MCU: variants seen among roughly 807,000 people sequenced by gnomAD.
MCU encodes calcium uniporter protein, mitochondrial.
MCU carries 12 observed loss-of-function variants against 45.2 expected under a neutral mutation model. That is an observed-to-expected ratio of 0.27 (90% CI 0.17 to 0.43). The LOEUF is 0.43. Among genes scored for constraint, MCU ranks in the 20% least tolerant of loss-of-function variants. The probability of loss-of-function intolerance (pLI) is 1.00; values close to 1 mark genes in which losing one functional copy is unlikely to be tolerated. For synonymous variants in MCU, 160 were observed against 165.1 expected (o/e 0.97, Z 0.24); for missense variants, 324 against 436.7 (o/e 0.74, Z 2.30).
At chr10:72,861,188 G>C (rs1845370083) in intron 4 of MCU, among the ~76,000 whole-genome samples, 1 of 151,854 alleles carries the variant, frequency 6.6e-6, no homozygotes, top group African/African-American at 2.4e-5. Flanking sequence ...ACCATGCCTG[G>C]ATAATTTTTT....
At chr10:72,706,233 T>C (rs919107445) in intron 1 of MCU, among the ~76,000 whole-genome samples, 17 of 152,110 alleles carry the variant, frequency 1.1e-4, no homozygotes, top group African/African-American at 3.4e-4. Flanking sequence ...TTTTTTTTTT[T>C]TTAAGTAGCC....
At chr10:72,775,207 A>C (rs892377297) in intron 1 of MCU, among the ~76,000 whole-genome samples, 10 of 152,164 alleles carry the variant, frequency 6.6e-5, no homozygotes, top group Non-Finnish European at 1.3e-4. Flanking sequence ...TTTTCTGACC[A>C]CACGGAATAA....
intron 1 of MCU, chr10:72,731,133 C>T (rs1843167720): frequency 6.6e-6 from 1 of 152,030 alleles, no homozygotes; most frequent in Non-Finnish European, 1.5e-5. Context: ...GGGATGTGGT[C>T]TCACTATATT....
At chr10:72,884,842 T>C (rs1746278080) in intron 7 of MCU, among the ~76,000 whole-genome samples, 2 of 152,192 alleles carry the variant, frequency 1.3e-5, no homozygotes, top group Non-Finnish European at 1.5e-5. Context: ...ATTATTAAAC[T>C]AGAAGATGCT....
chr10:72,827,857 G>C (rs1046170131), intron 1 of MCU, among the ~76,000 whole-genome samples: 4 of 152,190 alleles, frequency 2.6e-5, no homozygotes, highest in Admixed American at 2.6e-4. Context: ...GTGGGCCCAA[G>C]TCTTCCCACT....
chr10:72,793,167 G>A (rs1339357032), intron 1 of MCU, among the ~76,000 whole-genome samples: 5 of 152,096 alleles, frequency 3.3e-5, no homozygotes, highest in Non-Finnish European at 7.4e-5. Flanking sequence ...GTGAGCCACC[G>A]TGCCTGGCCT....
At chr10:72,817,716 G>GT (rs1163375405) in intron 1 of MCU, among the ~76,000 whole-genome samples, 1 of 152,186 alleles carries the variant, frequency 6.6e-6, no homozygotes, top group Non-Finnish European at 1.5e-5. Flanking sequence ...TCCTGAGTAG[G>GT]TGGGACTAGA....
intron 1 of MCU, among the ~76,000 whole-genome samples, chr10:72,726,508 G>GT (rs924423005): frequency 4.1e-4 from 61 of 149,856 alleles, no homozygotes; most frequent in Middle Eastern, 3.5e-3. Flanking sequence ...TTTGTTTCCT[G>GT]TTTTTTTTTG....
chr10:72,778,489 A>G (rs1254703722), intron 1 of MCU, among the ~76,000 whole-genome samples: 1 of 152,154 alleles, frequency 6.6e-6, no homozygotes, highest in Non-Finnish European at 1.5e-5. Flanking sequence ...TCATGAAGAT[A>G]GAGTGTAGAA....
intron 2 of MCU, among the ~76,000 whole-genome samples, chr10:72,858,020 T>C (rs1302776641): frequency 6.6e-6 from 1 of 152,050 alleles, no homozygotes; most frequent in Non-Finnish European, 1.5e-5. Flanking sequence ...AATGGCGAGG[T>C]TCATAAATTT....
At chr10:72,711,325 A>G (rs1355355067) in intron 1 of MCU, among the ~76,000 whole-genome samples, 1 of 145,962 alleles carries the variant, frequency 6.9e-6, no homozygotes, top group Non-Finnish European at 1.5e-5. Flanking sequence ...GGTTCAAGTG[A>G]TTCTCCTGCC....
At chr10:72,723,094 G>A (rs1043459812) in intron 1 of MCU, among the ~76,000 whole-genome samples, 1 of 152,168 alleles carries the variant, frequency 6.6e-6, no homozygotes, top group Non-Finnish European at 1.5e-5. Context: ...AACTTGGGAG[G>A]CTGAGGCAGG....
chr10:72,817,235 C>T (rs1844641653), intron 1 of MCU, among the ~76,000 whole-genome samples: 1 of 152,152 alleles, frequency 6.6e-6, no homozygotes, highest in African/African-American at 2.4e-5. Flanking sequence ...AAACTCTCCT[C>T]AGATATGTTT....
chr10:72,755,013 C>T (rs976115203), intron 1 of MCU, among the ~76,000 whole-genome samples: 1 of 152,054 alleles, frequency 6.6e-6, no homozygotes, highest in African/African-American at 2.4e-5. Context: ...GGTATCACTA[C>T]CTAGTTAGCT....
chr10:72,722,763 C>A (rs1394072003), intron 1 of MCU, among the ~76,000 whole-genome samples: 1 of 151,868 alleles, frequency 6.6e-6, no homozygotes, highest in Non-Finnish European at 1.5e-5. Flanking sequence ...TTTTATGAGG[C>A]CTTTTGTTAC....
intron 2 of MCU, among the ~76,000 whole-genome samples, chr10:72,851,841 T>C (rs1845211772): frequency 6.6e-6 from 1 of 152,202 alleles, no homozygotes. Context: ...GGAAGGCATA[T>C]TATTTAAACT....
At chr10:72,871,612 G>A in intron 6 of MCU, 32 bp downstream of exon 6, 1 of 1,563,652 alleles carries the variant, frequency 6.4e-7, no homozygotes, top group Non-Finnish European at 8.8e-7. Flanking sequence ...CTTTTTATGA[G>A]ATAGTAATAA....
At chr10:72,718,421 A>C (rs1255822695) in intron 1 of MCU, among the ~76,000 whole-genome samples, 2 of 152,204 alleles carry the variant, frequency 1.3e-5, no homozygotes, top group Non-Finnish European at 2.9e-5. Context: ...TTCTAAAGTA[A>C]ATTGCCTCCT....
At chr10:72,734,782 A>T (rs1027988903) in intron 1 of MCU, among the ~76,000 whole-genome samples, 2 of 151,838 alleles carry the variant, frequency 1.3e-5, no homozygotes, top group African/African-American at 4.8e-5. Flanking sequence ...CCTAGCTATT[A>T]AAAAAATTTT....
Sources: gnomAD v4.1 joint callset for allele counts (sites outside exome capture counted in the v4.1 genomes callset) on GRCh38, gnomAD v4.1.1 for gene constraint, MANE v1.5 for transcripts, NCBI Gene and HGNC (gene_info 2026-07-23, HGNC 2026-07-21) for gene names.